Variants in UMAD1 observed in about 807,000 individuals in gnomAD.
UMAD1 encodes the protein UBAP1-MVB12-associated (UMA) domain containing 1, also known as UBAP1-MVB12-associated (UMA)-domain containing protein 1.
In UMAD1, 8 loss-of-function variants were observed where a neutral mutation model predicts 6.1. The observed-to-expected ratio is 1.30, with a 90% CI of 0.76 to 2.35. The LOEUF is 2.35. Ranked by LOEUF, UMAD1 falls within the 30% of genes most tolerant of loss-of-function variation. The pLI is 0.00. For missense variants in UMAD1, 130 were observed against 78.4 expected, an observed-to-expected ratio of 1.66 and a Z score of -2.49; for synonymous variants, 56 against 31.4, an observed-to-expected ratio of 1.78 and a Z score of -2.61.
chr7:7,756,152 T>G (rs943903150), intron 2 of UMAD1, among the ~76,000 whole-genome samples: 2 of 152,080 alleles, frequency 1.3e-5, no homozygotes, highest in African/African-American at 4.8e-5. Flanking sequence ...CCCCAAAGGG[T>G]AAAGACGGTT....
chr7:7,657,263 GC>G (rs74816535), intron 1 of UMAD1, among the ~76,000 whole-genome samples: 54,766 of 151,892 alleles, frequency 0.36, 10,645 homozygotes, highest in East Asian at 0.8. Flanking sequence ...TCTGTAGGTT[GC>G]CAGTTCACTC....
intron 2 of UMAD1, chr7:7,692,639 C>G (rs1465076461): frequency 6.6e-6 from 1 of 152,196 alleles, no homozygotes; most frequent in Non-Finnish European, 1.5e-5. Context: ...GAGATGGAGT[C>G]TTGCTGTGTT....
intron 2 of UMAD1, among the ~76,000 whole-genome samples, chr7:7,775,071 T>G (rs963619724): frequency 2.0e-5 from 3 of 152,240 alleles, no homozygotes; most frequent in African/African-American, 7.2e-5. Flanking sequence ...CATATGTGTT[T>G]CTTCCATTTT....
chr7:7,768,852 T>G (rs1322626176), intron 2 of UMAD1, among the ~76,000 whole-genome samples: 1 of 152,214 alleles, frequency 6.6e-6, no homozygotes, highest in Non-Finnish European at 1.5e-5. Flanking sequence ...GCGTCTTATG[T>G]TATTCATCTT....
chr7:7,788,165 T>C (rs1386605844), intron 2 of UMAD1, among the ~76,000 whole-genome samples: 2 of 152,160 alleles, frequency 1.3e-5, no homozygotes, highest in African/African-American at 2.4e-5. Flanking sequence ...TTAAACAAGG[T>C]AGTGCGTGTA....
intron 2 of UMAD1, among the ~76,000 whole-genome samples, chr7:7,699,602 A>G (rs1780407536): frequency 6.6e-6 from 1 of 152,176 alleles, no homozygotes; most frequent in African/African-American, 2.4e-5. Flanking sequence ...TCATCTTGGA[A>G]ATAGATTTAG....
intron 2 of UMAD1, among the ~76,000 whole-genome samples, chr7:7,704,724 A>G (rs1432974840): frequency 7.6e-6 from 1 of 131,242 alleles, no homozygotes; most frequent in African/African-American, 2.9e-5. Context: ...CTGAGATCGC[A>G]CCACTGTACT....
intron 3 of UMAD1, among the ~76,000 whole-genome samples, chr7:7,872,868 A>G (rs1276190613): frequency 6.6e-6 from 1 of 152,216 alleles, no homozygotes; most frequent in African/African-American, 2.4e-5. Context: ...TGAGACTACC[A>G]GATCTAGGGA....
In UMAD1 at chr7:7,700,811, C is replaced by T. The variant is rs558595759; in HGVS notation, c.82+27358C>T. On this transcript the variant is annotated intron_variant, in intron 2 of 3. Coordinates refer to ENST00000682710, the MANE Select transcript of UMAD1 (RefSeq NM_001302348.2). The stretch of plus-strand genomic sequence containing the variant: ...GCTGAGGCAGTAGAATCACTTGAGC[C>T]CAGGAAGTGGAGGTTGCAGTGAGCT... 3.9e-5 allele frequency among the ~76,000 whole-genome samples: 6 copies of T among 152,158 alleles called. No homozygotes were observed. The South Asian group carries it at 1.0e-3, about 26-fold the overall frequency.
chr7:7,812,909 C>T (rs1249287508), intron 3 of UMAD1, among the ~76,000 whole-genome samples: 1 of 151,306 alleles, frequency 6.6e-6, no homozygotes, highest in Non-Finnish European at 1.5e-5. Flanking sequence ...ATATAGAGAG[C>T]TTAAGTGCAG....
At position 7,788,392 on chromosome 7, in the gene UMAD1, C is replaced by A. The variant is rs569933299; in HGVS notation, c.83-13278C>A. On this transcript the variant is annotated intron_variant, in intron 2 of 3. Coordinates refer to ENST00000682710, the MANE Select transcript of UMAD1 (RefSeq NM_001302348.2). ...CTATCATCACATTTTACTCTGTAAT[C>A]AAGCAGGTTCTCATACTATTTATTC... is the stretch of plus-strand genomic sequence containing the variant. Among the ~76,000 whole-genome samples, 8 of 152,276 alleles carry A rather than the reference C, an allele frequency of 5.3e-5. No individual in the cohort carries two copies. The South Asian group carries it at 1.7e-3, about 32-fold the overall frequency.
intron 1 of UMAD1, among the ~76,000 whole-genome samples, chr7:7,655,176 G>C (rs1162293665): frequency 2.6e-5 from 4 of 151,946 alleles, no homozygotes; most frequent in Non-Finnish European, 5.9e-5. Context: ...GATGCCTCTG[G>C]CCTGCTCTCC....
intron 2 of UMAD1, among the ~76,000 whole-genome samples, chr7:7,683,413 G>A (rs1291541897): frequency 1.3e-5 from 2 of 152,042 alleles, no homozygotes; most frequent in African/African-American, 2.4e-5. Context: ...TCTAATAATT[G>A]TATGTCATCA....
chr7:7,715,094 C>T (rs1414857054), intron 2 of UMAD1: 3 of 152,112 alleles, frequency 2.0e-5, no homozygotes, highest in South Asian at 4.1e-4. Context: ...TAGTGTTTTA[C>T]GAGATGAACT....
intron 3 of UMAD1, among the ~76,000 whole-genome samples, chr7:7,811,478 C>A (rs1783020366): frequency 6.6e-6 from 1 of 152,056 alleles, no homozygotes; most frequent in Non-Finnish European, 1.5e-5. Context: ...AGAAAGTGCA[C>A]TTTTGTTGGA....
In UMAD1 at chr7:7,784,831, G is replaced by A. The variant is rs527604319; in HGVS notation, c.83-16839G>A. On this transcript the variant is annotated intron_variant, in intron 2 of 3. Transcript: ENST00000682710. ...GGCTGGAGTGCAGTGGCGCGATCTC[G>A]GCTCGCTGCAGGCTCCGCCCCCTGG... 2.1e-3 allele frequency among the ~76,000 whole-genome samples: 286 copies of A among 138,126 alleles called. 1 individual carries two copies. The highest frequency in any genetic ancestry group is 7.8e-3 in the African/African-American group (271 of 34,838). The allele number at this position is 138,126 out of a possible 152,430, so 90.6% of individuals were successfully genotyped here.
chr7:7,749,101 A>G (rs984652280), intron 2 of UMAD1, among the ~76,000 whole-genome samples: 5 of 152,192 alleles, frequency 3.3e-5, no homozygotes, highest in African/African-American at 1.2e-4. Flanking sequence ...GAGCCTTTCC[A>G]TACTTGGTAT....
At chr7:7,651,423 C>T (rs1313978326) in intron 1 of UMAD1, among the ~76,000 whole-genome samples, 1 of 152,172 alleles carries the variant, frequency 6.6e-6, no homozygotes, top group African/African-American at 2.4e-5. Context: ...TGCCTGTTCC[C>T]ATTTAGGGCT....
rs1047543504 is a variant in UMAD1, at chr7:7,781,865, C to T, written c.83-19805C>T. 7.3e-5 allele frequency among the ~76,000 whole-genome samples: 8 copies of T among 109,078 alleles called. 1 individual carries two copies. In the South Asian group the frequency reaches 1.9e-3, roughly 26 times the overall value. 71.6% of individuals were successfully genotyped at this position (109,078 alleles called of 152,430 possible). On this transcript the variant is annotated intron_variant, in intron 2 of 3. Coordinates refer to ENST00000682710, the MANE Select transcript of UMAD1 (RefSeq NM_001302348.2). Reference sequence around the variant, plus strand: ...GAATAAAGAAATAGAAAAATGGTAACCTTGAAAAAATTAAAAAATAGAAAT... The same window carrying T: ...GAATAAAGAAATAGAAAAATGGTAATCTTGAAAAAATTAAAAAATAGAAAT...
Sources: allele counts gnomAD v4.1 joint callset (sites outside exome capture counted in the v4.1 genomes callset), GRCh38; gene constraint gnomAD v4.1.1; transcripts MANE v1.5; gene names NCBI Gene and HGNC (gene_info 2026-07-23, HGNC 2026-07-21).